The following KIAA1755 variants were observed in gnomAD, a reference collection of about 807,000 sequenced individuals.
KIAA1755 encodes the protein KIAA1755.
In KIAA1755, 68 loss-of-function variants were observed where a neutral mutation model predicts 91.7. The observed-to-expected ratio is 0.74, with a 90% CI of 0.61 to 0.91. The LOEUF (loss-of-function observed/expected upper bound fraction) is 0.91. KIAA1755 is among the 40% of genes least tolerant of loss of function. KIAA1755 has a pLI of 0.00. For synonymous variants in KIAA1755, 610 were observed against 604.6 expected (o/e 1.01, Z -0.13); for missense variants, 1,535 against 1,494.4 (o/e 1.03, Z -0.45).
At chr20:38,230,211 C>T (rs1337097026) in intron 5 of KIAA1755, among the ~76,000 whole-genome samples, 2 of 152,202 alleles carry the variant, frequency 1.3e-5, no homozygotes, top group Non-Finnish European at 2.9e-5. Flanking sequence ...TAGAAATCAG[C>T]CTGAGTCCAC....
chr20:38,245,705 A>T (rs1040093275), intron 2 of KIAA1755, among the ~76,000 whole-genome samples: 5 of 152,182 alleles, frequency 3.3e-5, no homozygotes, highest in African/African-American at 9.7e-5. Flanking sequence ...TCTGCTGGTG[A>T]CAGTACAATG....
rs1189661313 is a variant in KIAA1755, at chr20:38,210,841, C to T, written c.*2201G>A. The T allele has an allele frequency of 6.6e-6, 1 of 152,216 alleles. No homozygotes were observed. The highest frequency in any genetic ancestry group is 1.5e-5 in the Non-Finnish European group (1 of 68,030). The allele number at this position is 152,216 out of a possible 1,614,324, so 9.4% of individuals were successfully genotyped here. A position where few individuals can be genotyped will look rare whatever the true frequency, so the allele number is the denominator to read the frequency against. ...AACAGCATTTTAAAAGCCGTCGGCC[C>T]TCTCTGAGGCAACAGGCATGGATGG... is the stretch of plus-strand genomic sequence containing the variant. On this transcript the variant is annotated 3_prime_UTR_variant, in exon 14 of 14. Coordinates refer to ENST00000279024, the MANE Select transcript of KIAA1755 (RefSeq NM_001029864.2).
intron 6 of KIAA1755, 55 bp from the exon 7 acceptor site, chr20:38,227,295 C>T (rs767147298): frequency 3.6e-6 from 5 of 1,370,660 alleles, no homozygotes; most frequent in Non-Finnish European, 5.2e-6. Context: ...TGAAGCCTCA[C>T]ACACTTTGAT....
chr20:38,222,745 C>G, intron 9 of KIAA1755, 148 bp from the exon 10 acceptor site: 1 of 835,836 alleles, frequency 1.2e-6, no homozygotes, highest in Non-Finnish European at 1.9e-6. Context: ...TAAAACATCC[C>G]CTCTAGCCAT....
At chr20:38,224,956 G>C (rs1379588816) in intron 8 of KIAA1755, among the ~76,000 whole-genome samples, 4 of 152,110 alleles carry the variant, frequency 2.6e-5, no homozygotes, top group Admixed American at 6.5e-5. Flanking sequence ...TGAGTTGTGT[G>C]GGTCCATAGA....
Position 38,241,497 on chromosome 20 carries a change from T to C in KIAA1755, c.634A>G (p.Ser212Gly), listed in dbSNP as rs778037429. The C allele has an allele frequency of 1.9e-6, 3 of 1,614,200 alleles. No individual in the cohort carries two copies. The South Asian group carries it at 3.3e-5, about 18-fold the overall frequency. The change falls in exon 3 of 14, where the codon AGC becomes GGC. Residue 212 changes from serine to glycine, a missense_variant. Transcript: ENST00000279024. ...GCCTGGTGCAACTCTTGAGGGCTGC[T>C]CAAATCCAGTGCCTCTAATGGAAGG... is the stretch of plus-strand genomic sequence containing the variant. ...GPLPLEALDL[S>G]SPQELHQASS...
At chr20:38,251,881 G>C (rs1302167930) in intron 1 of KIAA1755, among the ~76,000 whole-genome samples, 1 of 152,064 alleles carries the variant, frequency 6.6e-6, no homozygotes, top group African/African-American at 2.4e-5. Flanking sequence ...ATAATCTTAA[G>C]TATCATTTTC....
At chr20:38,220,417 C>A (rs372519114) in intron 10 of KIAA1755, among the ~76,000 whole-genome samples, 2 of 151,256 alleles carry the variant, frequency 1.3e-5, no homozygotes, top group Admixed American at 1.3e-4. Flanking sequence ...TGGGTTCCAA[C>A]GATTCTCCTG....
chr20:38,233,392 T>C (rs545297855), intron 4 of KIAA1755: 2 of 152,258 alleles, frequency 1.3e-5, no homozygotes, highest in South Asian at 4.1e-4. Flanking sequence ...CATTAAACCA[T>C]GAAATAAATG....
chr20:38,218,451 G>A, intron 11 of KIAA1755, 85 bp from the exon 12 acceptor site: 1 of 1,549,280 alleles, frequency 6.5e-7, no homozygotes, highest in African/African-American at 1.4e-5. Context: ...GCAGGCTGAG[G>A]TCTTCTGTCT....
Position 38,252,937 on chromosome 20 carries a change from C to T in KIAA1755, c.4-6811G>A, listed in dbSNP as rs532093354. On this transcript the variant is annotated intron_variant, in intron 1 of 13. Coordinates refer to ENST00000279024, the MANE Select transcript of KIAA1755 (RefSeq NM_001029864.2). ...TGCAGGAAGGAACGCTAGCCACTCT[C>T]ATTCCCAATCCACCCGGCAGCCCAG... Among the ~76,000 whole-genome samples, 6 of 152,310 alleles carry T rather than the reference C, an allele frequency of 3.9e-5. No individual in the cohort carries two copies. In the East Asian group the frequency reaches 9.7e-4, roughly 25 times the overall value.
At position 38,241,258 on chromosome 20, in the gene KIAA1755, A is replaced by C; in HGVS notation, c.873T>G (p.Ser291Arg). The C allele has an allele frequency of 6.2e-7, 1 of 1,614,050 alleles. No homozygotes were observed. Among genetic ancestry groups the C allele is most frequent in the Non-Finnish European group, 8.5e-7 (1 of 1,179,960 alleles). Residue 291 changes from serine to arginine, a missense_variant, in exon 3 of 14, where the codon AGT becomes AGG. Physicochemically the swap from Ser to Arg is moderately radical, Grantham distance 110. Coordinates refer to ENST00000279024, the MANE Select transcript of KIAA1755 (RefSeq NM_001029864.2). ...ACCCACTGGATGTGCCTGCCTCCCT[A>C]CTGGGAGACTCTCCTCTGCTCTCTT... is the stretch of plus-strand genomic sequence containing the variant. The part of the protein sequence containing the change: ...FSQESRGESP[S>R]REAGTSSGCT...
At chr20:38,228,284 G>A (rs1336667539) in intron 5 of KIAA1755, 44 bp from the exon 6 acceptor site, 15 of 1,492,886 alleles carry the variant, frequency 1.0e-5, no homozygotes, top group Middle Eastern at 3.5e-4. Context: ...GGATGGCCTC[G>A]GACAGGGGGC....
At position 38,229,199 on chromosome 20, in the gene KIAA1755, A is replaced by G. The variant is rs118116390; in HGVS notation, c.1872-959T>C. Among the ~76,000 whole-genome samples, 1,176 of 152,334 alleles carry G rather than the reference A, an allele frequency of 7.7e-3. 19 individuals are homozygous for G. The highest frequency in any genetic ancestry group is 0.043 in the East Asian group (223 of 5,182). ...CCCAGTGGGAGGGTAGAGCTGTGGC[A>G]CTGCCATTAGTACCTTGTGGTCTGG... On this transcript the variant is annotated intron_variant, in intron 5 of 13. Transcript: ENST00000279024.
rs111601264 is a variant in KIAA1755 at position 38,251,484 on chromosome 20, T to C, written c.4-5358A>G. ...TAGAAAACTACCTGCTCACAGTGGTTATACCTGGGCAATGGAGTGGGGGTG... is the reference window on the plus strand; with the variant it reads ...TAGAAAACTACCTGCTCACAGTGGTCATACCTGGGCAATGGAGTGGGGGTG... On this transcript the variant is annotated intron_variant, in intron 1 of 13. Coordinates refer to ENST00000279024, the MANE Select transcript of KIAA1755 (RefSeq NM_001029864.2). Among the ~76,000 whole-genome samples, 509 of 152,068 alleles carry C rather than the reference T, an allele frequency of 3.3e-3. 2 individuals carry two copies. The highest frequency in any genetic ancestry group is 0.011 in the African/African-American group (470 of 41,458).
intron 4 of KIAA1755, among the ~76,000 whole-genome samples, chr20:38,238,398 C>T (rs573704821): frequency 3.0e-3 from 455 of 152,322 alleles, no homozygotes; most frequent in Admixed American, 4.7e-3. Flanking sequence ...AATCAGTCTC[C>T]AGAAAGCACT....
rs1337801743 is a variant in KIAA1755 at position 38,213,403 on chromosome 20, C to A, written c.3242G>T (p.Ser1081Ile). ...CCTCCCCTTGGAAGTGACCTCTACA[C>A]TCACACCCTGGCCCTTGGCTGCCAC... ...RGVAAKGQGVSVEVTSKGRWD... is the reference protein window; with the variant it reads ...RGVAAKGQGVIVEVTSKGRWD... The change falls in exon 14 of 14, where the codon AGT becomes ATT. Residue 1081 changes from serine (S) to isoleucine (I), a missense_variant. Coordinates refer to ENST00000279024, the MANE Select transcript of KIAA1755 (RefSeq NM_001029864.2). The A allele has an allele frequency of 1.2e-6, 2 of 1,600,752 alleles. No individual in the cohort carries two copies. The highest frequency in any genetic ancestry group is 2.7e-5 in the African/African-American group (2 of 74,692).
intron 9 of KIAA1755, 28 bp from the exon 10 acceptor site, chr20:38,222,625 C>T (rs1176759801): frequency 6.2e-7 from 1 of 1,606,970 alleles, no homozygotes; most frequent in Non-Finnish European, 8.5e-7. Context: ...TGCCCTGAGG[C>T]CCCATCCCCA....
In KIAA1755 at chr20:38,227,139, C is replaced by A; in HGVS notation, c.2052+15G>T. 1.2e-6 allele frequency: 2 copies of A among 1,609,324 alleles called. No individual in the cohort carries two copies. The highest frequency in any genetic ancestry group is 3.3e-4 in the Middle Eastern group (2 of 6,028). ...CAACTCCCTTCCTCAACCGCCGACC[C>A]TGAGTCCCCCTCACCTGGACGTCAG... On this transcript the variant is annotated intron_variant, in intron 7 of 13. Transcript: ENST00000279024.
Sources: gnomAD v4.1 joint callset for allele counts (sites outside exome capture counted in the v4.1 genomes callset) on GRCh38, gnomAD v4.1.1 for gene constraint, MANE v1.5 for transcripts, NCBI Gene and HGNC (gene_info 2026-07-23, HGNC 2026-07-21) for gene names.